SLC39A9: variants seen among roughly 807,000 people sequenced by gnomAD.
The protein encoded by SLC39A9 is solute carrier family 39 member 9.
SLC39A9 carries 14 observed loss-of-function variants against 28.4 expected under a neutral mutation model. That is an observed-to-expected ratio of 0.49 (90% CI 0.33 to 0.77). The LOEUF is 0.77. SLC39A9 is among the 30% of genes least tolerant of loss of function. The probability of loss-of-function intolerance (pLI) is 0.02; values close to 1 mark genes in which losing one functional copy is unlikely to be tolerated. For synonymous variants in SLC39A9, 119 were observed against 149.6 expected, an observed-to-expected ratio of 0.80 and a Z score of 1.49; for missense variants, 283 against 381.1, an observed-to-expected ratio of 0.74 and a Z score of 2.14.
chr14:69,409,698 T>C (rs1883161387), intron 1 of SLC39A9, among the ~76,000 whole-genome samples: 1 of 152,222 alleles, frequency 6.6e-6, no homozygotes, highest in South Asian at 2.1e-4. Context: ...ATTCTTAATA[T>C]GCATTTAATA....
At chr14:69,446,285 T>TAC (rs1332325735) in intron 3 of SLC39A9, among the ~76,000 whole-genome samples, 1 of 150,080 alleles carries the variant, frequency 6.7e-6, no homozygotes, top group East Asian at 1.9e-4. Flanking sequence ...TATACATATA[T>TAC]ATATATATAT....
At position 69,399,350 on chromosome 14, in the gene SLC39A9, G is replaced by A; in HGVS notation, c.-20G>A. 6.2e-7 allele frequency: 1 copy of A among 1,609,160 alleles called. No homozygotes were observed. The highest frequency in any genetic ancestry group is 2.2e-5 in the East Asian group (1 of 44,844). Reference sequence around the variant, plus strand: ...GGAAATTTGTTGTCTAGTGGTTGTGGGTGAATAAAGGAGGGCAGAATGGAT... The same window carrying A: ...GGAAATTTGTTGTCTAGTGGTTGTGAGTGAATAAAGGAGGGCAGAATGGAT... On this transcript the variant is annotated 5_prime_UTR_variant, in exon 1 of 7. Transcript: ENST00000336643.
In SLC39A9 at chr14:69,458,751, T is replaced by C. The variant is rs2139462070; in HGVS notation, c.*158T>C. The C allele has an allele frequency of 7.2e-7, 1 of 1,381,770 alleles. No individual in the cohort carries two copies. The highest frequency in any genetic ancestry group is 2.7e-4 in the Middle Eastern group (1 of 3,760). 85.6% of individuals were successfully genotyped at this position (1,381,770 alleles called of 1,614,324 possible). ...GGAGGTGAGGTTAAAACCTGAGTAA[T>C]GGAAAAGCTTTTAGAGTAGAAACAC... On this transcript the variant is annotated 3_prime_UTR_variant, in exon 7 of 7. Coordinates refer to ENST00000336643, the MANE Select transcript of SLC39A9 (RefSeq NM_018375.5).
chr14:69,414,102 G>C (rs530962240), intron 1 of SLC39A9, among the ~76,000 whole-genome samples: 20 of 148,116 alleles, frequency 1.4e-4, no homozygotes, highest in Non-Finnish European at 3.0e-4. Context: ...CCAGGCTGGA[G>C]TGCAGTGGCA....
At chr14:69,441,876 A>G (rs1373419481) in intron 2 of SLC39A9, 193 bp from the exon 3 acceptor site, 2 of 1,375,154 alleles carry the variant, frequency 1.5e-6, no homozygotes, top group East Asian at 2.8e-5. Context: ...TGCCAAAGGC[A>G]GAAGACATTT....
At chr14:69,432,026 G>A (rs1884525302) in intron 2 of SLC39A9, among the ~76,000 whole-genome samples, 1 of 152,190 alleles carries the variant, frequency 6.6e-6, no homozygotes, top group Non-Finnish European at 1.5e-5. Context: ...GAACATAAGA[G>A]TGCATGGTGT....
intron 1 of SLC39A9, among the ~76,000 whole-genome samples, chr14:69,420,331 T>C (rs1883813834): frequency 6.6e-6 from 1 of 152,216 alleles, no homozygotes; most frequent in Admixed American, 6.5e-5. Context: ...TGGCCCCCAC[T>C]CTCTTCTGGC....
Position 69,461,113 on chromosome 14 carries a change from A to T in SLC39A9, c.*2520A>T. On this transcript the variant is annotated 3_prime_UTR_variant, in exon 7 of 7. Coordinates refer to ENST00000336643, the MANE Select transcript of SLC39A9 (RefSeq NM_018375.5). ...ACATTTGAAAACATTGGCAATACTTAAGTTGCTGCCATGATTACAGATGGA... is the reference window on the plus strand; with the variant it reads ...ACATTTGAAAACATTGGCAATACTTTAGTTGCTGCCATGATTACAGATGGA... The T allele has an allele frequency of 1.0e-6, 1 of 986,804 alleles. No homozygotes were observed. Among genetic ancestry groups the T allele is most frequent in the African/African-American group, 1.7e-5 (1 of 57,356 alleles). The allele number at this position is 986,804 out of a possible 1,614,324, so 61.1% of individuals were successfully genotyped here.
intron 3 of SLC39A9, among the ~76,000 whole-genome samples, chr14:69,443,727 G>A (rs1166499403): frequency 1.3e-5 from 2 of 152,046 alleles, no homozygotes; most frequent in East Asian, 3.9e-4. Context: ...ATAATTAGCT[G>A]AGCATAGTGG....
Position 69,399,312 on chromosome 14 carries a change from A to G in SLC39A9, c.-58A>G. 1 of 1,500,844 alleles carries G rather than the reference A, an allele frequency of 6.7e-7. No individual in the cohort carries two copies. The allele number at this position is 1,500,844 out of a possible 1,614,324, so 93.0% of individuals were successfully genotyped here. On this transcript the variant is annotated 5_prime_UTR_variant, in exon 1 of 7. Transcript: ENST00000336643. ...CACCTGTTTAAAGAACCTAAGCACC[A>G]TTTAAAGCCACTGGAAATTTGTTGT...
chr14:69,413,184 G>A (rs1883369745), intron 1 of SLC39A9, among the ~76,000 whole-genome samples: 1 of 152,090 alleles, frequency 6.6e-6, no homozygotes, highest in Non-Finnish European at 1.5e-5. Flanking sequence ...GTGAAACCCT[G>A]TCTCTACTAA....
In SLC39A9 at chr14:69,417,848, A is replaced by G. The variant is rs560746693; in HGVS notation, c.97-6246A>G. ...TCCTGAGACTTTGCTGAAGTTGCTT[A>G]TCAGCTTAAGGAGATTTTGGGCTGA... is the stretch of plus-strand genomic sequence containing the variant. On this transcript the variant is annotated intron_variant, in intron 1 of 6. Coordinates refer to ENST00000336643, the MANE Select transcript of SLC39A9 (RefSeq NM_018375.5). 2.6e-5 allele frequency among the ~76,000 whole-genome samples: 4 copies of G among 152,304 alleles called. No individual in the cohort carries two copies. The East Asian group carries it at 5.8e-4, about 22-fold the overall frequency.
intron 6 of SLC39A9, among the ~76,000 whole-genome samples, chr14:69,456,407 T>A (rs1169387463): frequency 6.6e-6 from 1 of 152,224 alleles, no homozygotes; most frequent in Non-Finnish European, 1.5e-5. Flanking sequence ...TATAACACAC[T>A]GTTAGCAACT....
chr14:69,414,599 C>T (rs1162943599), intron 1 of SLC39A9, among the ~76,000 whole-genome samples: 2 of 152,166 alleles, frequency 1.3e-5, no homozygotes, highest in African/African-American at 2.4e-5. Flanking sequence ...TTTCAGAAAT[C>T]CTGGCTAAGT....
At chr14:69,415,697 G>A (rs933609016) in intron 1 of SLC39A9, among the ~76,000 whole-genome samples, 1 of 152,230 alleles carries the variant, frequency 6.6e-6, no homozygotes, top group Middle Eastern at 3.4e-3. Flanking sequence ...AATTGGTGTT[G>A]ACGTTGCAGC....
chr14:69,428,035 CT>C (rs1487957914), intron 2 of SLC39A9, among the ~76,000 whole-genome samples: 1 of 152,190 alleles, frequency 6.6e-6, no homozygotes, highest in Non-Finnish European at 1.5e-5. Flanking sequence ...AATCCCAGCA[CT>C]TTGGGAGTCA....
In SLC39A9 at chr14:69,456,043, T is replaced by A. The variant is rs139477373; in HGVS notation, c.693+177T>A. On this transcript the variant is annotated intron_variant, in intron 6 of 6. Transcript: ENST00000336643. ...AATGCGTCCTCTTCATATTAGCATT[T>A]TCTTATTCATTTAATTTGAAAACTT... Among the ~76,000 whole-genome samples the A allele has an allele frequency of 2.7e-3, 414 of 152,362 alleles. 2 individuals are homozygous for A. Among genetic ancestry groups the A allele is most frequent in the African/African-American group, 9.4e-3 (390 of 41,584 alleles).
At chr14:69,409,937 C>T (rs1883174382) in intron 1 of SLC39A9, among the ~76,000 whole-genome samples, 1 of 152,140 alleles carries the variant, frequency 6.6e-6, no homozygotes, top group South Asian at 2.1e-4. Flanking sequence ...ATTTTTAAAA[C>T]TGTACCAATT....
chr14:69,446,888 A>G (rs570488117), intron 3 of SLC39A9, among the ~76,000 whole-genome samples: 1 of 146,850 alleles, frequency 6.8e-6, no homozygotes, highest in East Asian at 2.1e-4. Context: ...AAAAAAAAAA[A>G]AGAAAAAGAA....
Sources: gnomAD v4.1 joint callset for allele counts (sites outside exome capture counted in the v4.1 genomes callset) on GRCh38, gnomAD v4.1.1 for gene constraint, MANE v1.5 for transcripts, NCBI Gene and HGNC (gene_info 2026-07-23, HGNC 2026-07-21) for gene names.